SUMF1: variants seen among roughly 807,000 people sequenced by gnomAD.
The protein encoded by SUMF1 is formylglycine-generating enzyme.
A neutral mutation model predicts 47.6 loss-of-function variants in SUMF1; 48 were observed. That is an observed-to-expected ratio of 1.01 (90% CI 0.80 to 1.28). SUMF1 has a LOEUF of 1.28. Among genes scored for constraint, SUMF1 ranks in the 50% most tolerant of loss-of-function variants. The pLI, the probability that SUMF1 is intolerant of heterozygous loss-of-function variation, is 0.00. For synonymous variants in SUMF1, 230 were observed against 192.1 expected (o/e 1.20, Z -1.63); for missense variants, 571 against 485.4 (o/e 1.18, Z -1.66).
At chr3:4,254,656 A>AT (rs780581611) in intron 8 of SUMF1, among the ~76,000 whole-genome samples, 49,076 of 143,108 alleles carry the variant, frequency 0.34, 8,811 homozygotes, top group Non-Finnish European at 0.43. Flanking sequence ...CCTGAAAGTG[A>AT]TGGGGAGAAT....
intron 8 of SUMF1, among the ~76,000 whole-genome samples, chr3:4,107,889 A>G (rs1693194309): frequency 6.6e-6 from 1 of 152,164 alleles, no homozygotes; most frequent in African/African-American, 2.4e-5. Context: ...TAATTCAACC[A>G]AAGCAAACTA....
intron 8 of SUMF1, among the ~76,000 whole-genome samples, chr3:4,268,172 T>G (rs1216751967): frequency 2.0e-5 from 3 of 151,214 alleles, no homozygotes; most frequent in South Asian, 2.1e-4. Context: ...CACTCACAGG[T>G]GGGAACTGAA....
chr3:4,063,921 T>C (rs1414688722), intron 9 of SUMF1, among the ~76,000 whole-genome samples: 1 of 152,162 alleles, frequency 6.6e-6, no homozygotes, highest in Admixed American at 6.5e-5. Flanking sequence ...ACACCTTAAA[T>C]CAGTACATCA....
intron 8 of SUMF1, among the ~76,000 whole-genome samples, chr3:4,100,881 T>G (rs1394787623): frequency 6.6e-6 from 1 of 151,944 alleles, no homozygotes; most frequent in East Asian, 1.9e-4. Flanking sequence ...GACATAGAAA[T>G]GATCAACAGA....
chr3:4,347,284 A>G (rs1051082229), intron 8 of SUMF1, among the ~76,000 whole-genome samples: 5 of 152,258 alleles, frequency 3.3e-5, no homozygotes, highest in South Asian at 2.1e-4. Flanking sequence ...AAAATCCTCA[A>G]TAAAAGAGTG....
intron 8 of SUMF1, among the ~76,000 whole-genome samples, chr3:4,118,223 GAGAGA>G (rs1424154417): frequency 3.3e-5 from 5 of 151,822 alleles, no homozygotes; most frequent in Admixed American, 6.6e-5. Flanking sequence ...TTTATTTACA[GAGAGA>G]AGAGAAGATA....
At chr3:4,458,594 G>A (rs1398305578) in intron 1 of SUMF1, among the ~76,000 whole-genome samples, 1 of 152,142 alleles carries the variant, frequency 6.6e-6, no homozygotes, top group Admixed American at 6.5e-5. Context: ...GGAGGCTCAC[G>A]CCTGTAATCC....
intron 8 of SUMF1, among the ~76,000 whole-genome samples, chr3:4,236,642 A>C (rs1213480884): frequency 6.6e-6 from 1 of 152,090 alleles, no homozygotes; most frequent in South Asian, 2.1e-4. Context: ...TTTTAGGTTC[A>C]CAGCAAAATT....
At chr3:4,212,686 A>C (rs1695825792) in intron 8 of SUMF1, among the ~76,000 whole-genome samples, 1 of 152,194 alleles carries the variant, frequency 6.6e-6, no homozygotes, top group African/African-American at 2.4e-5. Flanking sequence ...CGAATTGTTA[A>C]CTAGAATAAC....
intron 3 of SUMF1, among the ~76,000 whole-genome samples, chr3:4,445,292 G>A (rs1052476870): frequency 5.9e-5 from 9 of 152,084 alleles, no homozygotes; most frequent in African/African-American, 1.9e-4. Context: ...ACCTTCAAAA[G>A]GGATCATGGT....
intron 8 of SUMF1, among the ~76,000 whole-genome samples, chr3:4,195,778 C>T (rs1166862779): frequency 1.3e-5 from 2 of 151,978 alleles, no homozygotes; most frequent in Non-Finnish European, 2.9e-5. Context: ...GTTTTTAAAG[C>T]TAGGACTTTT....
chr3:4,241,065 T>C (rs1277525282), intron 8 of SUMF1, among the ~76,000 whole-genome samples: 4 of 152,050 alleles, frequency 2.6e-5, no homozygotes, highest in Admixed American at 2.6e-4. Flanking sequence ...AAGTAATTAG[T>C]AGTGGTTGGT....
At chr3:4,177,965 C>A (rs955626718) in intron 8 of SUMF1, among the ~76,000 whole-genome samples, 3 of 152,230 alleles carry the variant, frequency 2.0e-5, no homozygotes, top group African/African-American at 7.2e-5. Flanking sequence ...TTCCTGGACA[C>A]ATACACCTGC....
chr3:4,338,879 TTA>T (rs1400110842), intron 8 of SUMF1, among the ~76,000 whole-genome samples: 1 of 152,064 alleles, frequency 6.6e-6, no homozygotes, highest in East Asian at 1.9e-4. Context: ...TGTGATTGAG[TTA>T]TGTCTAGCTA....
At chr3:4,362,680 G>A (rs1699805473) in intron 8 of SUMF1, among the ~76,000 whole-genome samples, 1 of 152,128 alleles carries the variant, frequency 6.6e-6, no homozygotes, top group Non-Finnish European at 1.5e-5. Context: ...CCAACATTTT[G>A]GGAGGCTGAA....
chr3:4,165,169 G>T (rs894125886), intron 8 of SUMF1, among the ~76,000 whole-genome samples: 4 of 152,096 alleles, frequency 2.6e-5, no homozygotes, highest in Admixed American at 1.3e-4. Flanking sequence ...TCAGGCTGCA[G>T]CTAAAGCCGC....
chr3:4,412,268 C>G (rs1311704052), intron 6 of SUMF1, among the ~76,000 whole-genome samples: 1 of 152,144 alleles, frequency 6.6e-6, no homozygotes, highest in Non-Finnish European at 1.5e-5. Context: ...ATACCCAAAA[C>G]TCAAAATCCA....
chr3:4,323,629 A>C (rs558740057), intron 8 of SUMF1, among the ~76,000 whole-genome samples: 19 of 152,318 alleles, frequency 1.2e-4, no homozygotes, highest in East Asian at 3.9e-4. Flanking sequence ...GGAGGACAAC[A>C]ACCACCTGGT....
chr3:4,190,852 T>C (rs1183623116), intron 8 of SUMF1, among the ~76,000 whole-genome samples: 1 of 152,106 alleles, frequency 6.6e-6, no homozygotes, highest in African/African-American at 2.4e-5. Flanking sequence ...ACTTGAAAAC[T>C]ACATATTGAG....
Sources: allele counts gnomAD v4.1 joint callset (sites outside exome capture counted in the v4.1 genomes callset), GRCh38; gene constraint gnomAD v4.1.1; transcripts MANE v1.5; gene names NCBI Gene and HGNC (gene_info 2026-07-23, HGNC 2026-07-21).